CYTH3: variants seen among roughly 807,000 people sequenced by gnomAD.
CYTH3 encodes the protein cytohesin-3.
Under a neutral mutation model 55.1 loss-of-function variants are expected in CYTH3, and 23 were observed. That is an observed-to-expected ratio of 0.42 (90% CI 0.30 to 0.59). The LOEUF (loss-of-function observed/expected upper bound fraction) is 0.59, where lower values mean the gene tolerates loss of function less well. Ranked by LOEUF, CYTH3 falls within the 20% of genes least tolerant of loss-of-function variation. CYTH3 has a pLI of 0.20. For missense variants in CYTH3, 413 were observed against 524.8 expected, an observed-to-expected ratio of 0.79 and a Z score of 2.08; for synonymous variants, 249 against 194.9, an observed-to-expected ratio of 1.28 and a Z score of -2.31.
At position 6,190,538 on chromosome 7, in the gene CYTH3, G is replaced by T; in HGVS notation, c.35-7C>A. The T allele has an allele frequency of 2.0e-6, 3 of 1,498,528 alleles. No homozygotes were observed. Among genetic ancestry groups the T allele is most frequent in the Non-Finnish European group, 2.6e-6 (3 of 1,135,542 alleles). The allele number at this position is 1,498,528 out of a possible 1,614,324, so 92.8% of individuals were successfully genotyped here. On this transcript the variant is annotated splice_region_variant and splice_polypyrimidine_tract_variant and intron_variant, in intron 1 of 12. Transcript: ENST00000350796. The stretch of plus-strand genomic sequence containing the variant: ...AATGAGAGGTCTTCAGGCACTGAAA[G>T]AAGAAAAAAATAATTAACTACTTTG...
At chr7:6,268,079 G>C (rs1275317760) in intron 1 of CYTH3, among the ~76,000 whole-genome samples, 1 of 151,964 alleles carries the variant, frequency 6.6e-6, no homozygotes, top group Non-Finnish European at 1.5e-5. Flanking sequence ...TCACCTTCCA[G>C]GGAATCTGCA....
chr7:6,195,824 A>G (rs889864561), intron 1 of CYTH3, among the ~76,000 whole-genome samples: 2 of 152,206 alleles, frequency 1.3e-5, no homozygotes, highest in South Asian at 2.1e-4. Context: ...CAGGAGAAAA[A>G]GAAAAAATAT....
At chr7:6,168,973 C>G (rs575758601) in intron 9 of CYTH3, among the ~76,000 whole-genome samples, 2 of 152,210 alleles carry the variant, frequency 1.3e-5, no homozygotes, top group African/African-American at 4.8e-5. Context: ...TCCCCCCCAC[C>G]GGCCCTCACT....
In CYTH3 at chr7:6,230,499, C is replaced by A. The variant is rs574289582; in HGVS notation, c.35-39968G>T. 3.3e-5 allele frequency among the ~76,000 whole-genome samples: 5 copies of A among 152,278 alleles called. No individual in the cohort carries two copies. The East Asian group carries it at 9.6e-4, about 29-fold the overall frequency. ...ATCATTCTGCTTACTCTATTAGCCACCAGACTTAAAATTCTGTGTCTTAGG... is the reference window on the plus strand; with the variant it reads ...ATCATTCTGCTTACTCTATTAGCCAACAGACTTAAAATTCTGTGTCTTAGG... On this transcript the variant is annotated intron_variant, in intron 1 of 12. Coordinates refer to ENST00000350796, the MANE Select transcript of CYTH3 (RefSeq NM_004227.4).
intron 1 of CYTH3, among the ~76,000 whole-genome samples, chr7:6,234,609 G>A (rs982057984): frequency 6.6e-6 from 1 of 152,180 alleles, no homozygotes; most frequent in African/African-American, 2.4e-5. Flanking sequence ...CCACACCTGT[G>A]ACTGGAAGCC....
intron 4 of CYTH3, among the ~76,000 whole-genome samples, chr7:6,186,104 C>T (rs1051402997): frequency 2.6e-5 from 4 of 151,916 alleles, no homozygotes; most frequent in Admixed American, 6.6e-5. Flanking sequence ...ATTAGCCGGG[C>T]GTGGTGGCGG....
At chr7:6,213,940 C>G (rs1343326190) in intron 1 of CYTH3, among the ~76,000 whole-genome samples, 1 of 152,144 alleles carries the variant, frequency 6.6e-6, no homozygotes, top group Non-Finnish European at 1.5e-5. Context: ...GAGTTATTCT[C>G]AGCATCCTTT....
At chr7:6,228,303 T>C (rs952527788) in intron 1 of CYTH3, among the ~76,000 whole-genome samples, 7 of 152,262 alleles carry the variant, frequency 4.6e-5, no homozygotes, top group African/African-American at 9.6e-5. Context: ...CCATTTTTTA[T>C]ATACATTTGC....
At chr7:6,270,168 G>A (rs927758508) in intron 1 of CYTH3, among the ~76,000 whole-genome samples, 2 of 152,194 alleles carry the variant, frequency 1.3e-5, no homozygotes, top group African/African-American at 2.4e-5. Context: ...CAACAGCCAA[G>A]AGTTAAATGT....
At chr7:6,174,539 G>GTTTTTTT (rs760279977) in intron 5 of CYTH3, among the ~76,000 whole-genome samples, 1 of 89,794 alleles carries the variant, frequency 1.1e-5, no homozygotes, top group Non-Finnish European at 2.0e-5. Context: ...CTCCTTGTGG[G>GTTTTTTT]TTTTTTTTTT....
chr7:6,262,742 T>G (rs1780383040), intron 1 of CYTH3, among the ~76,000 whole-genome samples: 1 of 152,160 alleles, frequency 6.6e-6, no homozygotes, highest in African/African-American at 2.4e-5. Context: ...ACTATAATCC[T>G]GATGAAACTA....
intron 1 of CYTH3, among the ~76,000 whole-genome samples, chr7:6,217,724 C>A (rs1784458630): frequency 6.6e-6 from 1 of 152,102 alleles, no homozygotes. Context: ...ACACTCCCAC[C>A]AACAGCATAA....
intron 1 of CYTH3, 91 bp downstream of exon 1, chr7:6,272,381 GGC>G: frequency 8.7e-7 from 1 of 1,152,800 alleles, no homozygotes; most frequent in East Asian, 4.2e-5. Context: ...CGTCTCCTCC[GGC>G]GAACCCCGGC....
chr7:6,186,728 A>T (rs1583759751), intron 4 of CYTH3, among the ~76,000 whole-genome samples: 4 of 152,150 alleles, frequency 2.6e-5, no homozygotes. Context: ...AGATGCGAAT[A>T]TGAGCCTCGA....
At chr7:6,262,482 C>T (rs563636140) in intron 1 of CYTH3, among the ~76,000 whole-genome samples, 3 of 152,262 alleles carry the variant, frequency 2.0e-5, no homozygotes, top group Admixed American at 6.5e-5. Context: ...AGAAAAAACA[C>T]ACTAACTGGA....
Position 6,162,965 on chromosome 7 carries a change from G to A in CYTH3, c.*1979C>T, listed in dbSNP as rs1022446891. ...GCCGTCAGTGTGTGGTCTGGGTGGG[G>A]GTCCAGGCAGCATTTATTTTCATGG... On this transcript the variant is annotated 3_prime_UTR_variant, in exon 13 of 13. Transcript: ENST00000350796. 6.6e-6 allele frequency: 1 copy of A among 152,666 alleles called. No homozygotes were observed. Among genetic ancestry groups the A allele is most frequent in the African/African-American group, 2.4e-5 (1 of 41,440 alleles). The allele number at this position is 152,666 out of a possible 1,614,324, so 9.5% of individuals were successfully genotyped here.
chr7:6,235,594 G>A (rs537602069), intron 1 of CYTH3, among the ~76,000 whole-genome samples: 26 of 151,976 alleles, frequency 1.7e-4, no homozygotes, highest in African/African-American at 5.8e-4. Context: ...GCCTAACTCC[G>A]TACTTCTCAG....
intron 1 of CYTH3, among the ~76,000 whole-genome samples, chr7:6,258,630 C>T (rs1562416568): frequency 6.6e-6 from 1 of 152,078 alleles, no homozygotes; most frequent in East Asian, 1.9e-4. Flanking sequence ...TACACAGAGT[C>T]AAATATGGCT....
At chr7:6,259,772 T>TATAATATATATATATAA (rs1491219669) in intron 1 of CYTH3, among the ~76,000 whole-genome samples, 1 of 30,494 alleles carries the variant, frequency 3.3e-5, no homozygotes, top group Non-Finnish European at 4.6e-5. Context: ...TATATATATA[T>TATAATATATATATATAA]TATATATATA....
Sources: allele counts gnomAD v4.1 joint callset (sites outside exome capture counted in the v4.1 genomes callset), GRCh38; gene constraint gnomAD v4.1.1; transcripts MANE v1.5; gene names NCBI Gene and HGNC (gene_info 2026-07-23, HGNC 2026-07-21).